The following NCAM2 variants were observed in gnomAD, a reference collection of about 807,000 sequenced individuals.
NCAM2 encodes neural cell adhesion molecule 2.
NCAM2 carries 30 observed loss-of-function variants against 98.1 expected under a neutral mutation model. The ratio of observed to expected loss-of-function variants is 0.31; its 90% CI spans 0.23 to 0.41. NCAM2 has a LOEUF of 0.41. Ranked by LOEUF, NCAM2 falls within the 10% of genes least tolerant of loss-of-function variation. The probability of loss-of-function intolerance (pLI) is 1.00; values close to 1 mark genes in which losing one functional copy is unlikely to be tolerated. For missense variants in NCAM2, 867 were observed against 1,005.8 expected, an observed-to-expected ratio of 0.86 and a Z score of 1.87; for synonymous variants, 368 against 342.4, an observed-to-expected ratio of 1.07 and a Z score of -0.83.
At chr21:21,216,425 A>G (rs2069902967) in intron 1 of NCAM2, among the ~76,000 whole-genome samples, 1 of 152,148 alleles carries the variant, frequency 6.6e-6, no homozygotes, top group African/African-American at 2.4e-5. Flanking sequence ...ATAGACATGG[A>G]GTTGGACAGA....
At position 21,324,387 on chromosome 21, in the gene NCAM2, G is replaced by A. The variant is rs200660519; in HGVS notation, c.624G>A (p.Pro208=). 1.1e-5 allele frequency: 17 copies of A among 1,611,270 alleles called. No individual in the cohort carries two copies. Among genetic ancestry groups the A allele is most frequent in the South Asian group, 9.9e-5 (9 of 90,884 alleles). ...CTGTATTCATCTCTCCTTCAGTGCC[G>A]CCAGCAATCTCAATGCCTCAGAAAT... ...FRDIIVIVNV[P]PAISMPQKSF... Residue 208 remains proline (P), a synonymous_variant, in exon 6 of 18, where the codon CCG becomes CCA. Coordinates refer to ENST00000400546, the MANE Select transcript of NCAM2 (RefSeq NM_004540.5).
chr21:21,126,256 A>AAAAAAAAAC (rs2066821825), intron 1 of NCAM2, among the ~76,000 whole-genome samples: 1 of 151,318 alleles, frequency 6.6e-6, no homozygotes, highest in Non-Finnish European at 1.5e-5. Flanking sequence ...AAAAAAAAAA[A>AAAAAAAAAC]AATCGCAGAA....
chr21:21,233,661 C>T (rs906774633), intron 1 of NCAM2, among the ~76,000 whole-genome samples: 6 of 151,522 alleles, frequency 4.0e-5, no homozygotes, highest in African/African-American at 9.7e-5. Context: ...TGAGTACAAA[C>T]GATGTTTTGG....
At chr21:21,046,167 A>G (rs2065004864) in intron 1 of NCAM2, among the ~76,000 whole-genome samples, 1 of 152,196 alleles carries the variant, frequency 6.6e-6, no homozygotes, top group Non-Finnish European at 1.5e-5. Context: ...TGTTTTTTAT[A>G]TAGCAGTGTC....
intron 4 of NCAM2, among the ~76,000 whole-genome samples, chr21:21,289,332 G>A (rs2073209285): frequency 6.6e-6 from 1 of 151,884 alleles, no homozygotes; most frequent in African/African-American, 2.4e-5. Flanking sequence ...AATCTAGAGG[G>A]AAAGATAAAT....
At chr21:21,182,045 C>T (rs969192575) in intron 1 of NCAM2, among the ~76,000 whole-genome samples, 51 of 137,938 alleles carry the variant, frequency 3.7e-4, no homozygotes, top group African/African-American at 1.4e-3. Context: ...AAAAAAAAAA[C>T]AAATAAAAAT....
At chr21:21,449,652 C>G (rs1980725960) in intron 12 of NCAM2, among the ~76,000 whole-genome samples, 1 of 151,916 alleles carries the variant, frequency 6.6e-6, no homozygotes, top group Non-Finnish European at 1.5e-5. Flanking sequence ...AAACTACTTA[C>G]TATAAACATT....
intron 1 of NCAM2, among the ~76,000 whole-genome samples, chr21:21,111,412 A>G (rs913001676): frequency 6.6e-6 from 1 of 152,194 alleles, no homozygotes; most frequent in Non-Finnish European, 1.5e-5. Flanking sequence ...CAGAAGTGAT[A>G]TCAGGCTAAG....
intron 8 of NCAM2, among the ~76,000 whole-genome samples, chr21:21,350,353 CACTA>C (rs779962503): frequency 1.3e-5 from 2 of 152,114 alleles, no homozygotes; most frequent in African/African-American, 2.4e-5. Flanking sequence ...AACTGTAACT[CACTA>C]ACTACGATGT....
chr21:21,437,769 C>G (rs2146062000), intron 12 of NCAM2, among the ~76,000 whole-genome samples: 1 of 152,080 alleles, frequency 6.6e-6, no homozygotes, highest in East Asian at 1.9e-4. Context: ...AGTTTGCTTT[C>G]CTTTTCTGTG....
At chr21:21,457,511 G>A (rs1473621374) in intron 12 of NCAM2, among the ~76,000 whole-genome samples, 1 of 152,060 alleles carries the variant, frequency 6.6e-6, no homozygotes, top group Non-Finnish European at 1.5e-5. Flanking sequence ...TTGGTGGCAT[G>A]CGCCTGTAAT....
intron 1 of NCAM2, among the ~76,000 whole-genome samples, chr21:21,003,234 A>G (rs78447938): frequency 6.6e-6 from 1 of 152,204 alleles, no homozygotes; most frequent in African/African-American, 2.4e-5. Flanking sequence ...ATTTAAATCA[A>G]GATGTTTGAA....
chr21:21,353,516 C>T (rs1432385810), intron 8 of NCAM2, among the ~76,000 whole-genome samples: 1 of 152,132 alleles, frequency 6.6e-6, no homozygotes, highest in Non-Finnish European at 1.5e-5. Context: ...TCCATACAGG[C>T]GAGTGCACAT....
At chr21:21,470,688 A>G (rs1444605011) in intron 14 of NCAM2, among the ~76,000 whole-genome samples, 5 of 151,970 alleles carry the variant, frequency 3.3e-5, no homozygotes, top group African/African-American at 1.2e-4. Flanking sequence ...TCTTCTTTCT[A>G]ATTTCCAACC....
chr21:21,389,643 C>T (rs2076339189), intron 9 of NCAM2, among the ~76,000 whole-genome samples: 1 of 152,148 alleles, frequency 6.6e-6, no homozygotes, highest in Admixed American at 6.6e-5. Flanking sequence ...TCCATGAGAT[C>T]AGTTTTTTCA....
intron 1 of NCAM2, among the ~76,000 whole-genome samples, chr21:21,031,676 A>G (rs977989502): frequency 6.6e-6 from 1 of 152,228 alleles, no homozygotes; most frequent in African/African-American, 2.4e-5. Flanking sequence ...TTTGACAAGC[A>G]AATTAAAGCA....
intron 1 of NCAM2, among the ~76,000 whole-genome samples, chr21:21,187,758 G>T (rs146818583): frequency 6.6e-6 from 1 of 152,092 alleles, no homozygotes; most frequent in African/African-American, 2.4e-5. Context: ...TATGCCTTGG[G>T]TATTCATTAA....
At chr21:21,409,769 G>A (rs978514006) in intron 9 of NCAM2, among the ~76,000 whole-genome samples, 28 of 152,276 alleles carry the variant, frequency 1.8e-4, no homozygotes, top group Middle Eastern at 6.8e-3. Flanking sequence ...TGTGATAAAA[G>A]TATTCAAATG....
chr21:21,192,360 G>A lies in NCAM2; in HGVS notation c.56-88218G>A, dbSNP rs2068852125. Among the ~76,000 whole-genome samples the A allele has an allele frequency of 2.0e-5, 3 of 152,186 alleles. No homozygotes were observed. In the South Asian group the frequency reaches 6.2e-4, roughly 31 times the overall value. ...TCTAAAGCAAAGTGTAGAGGAAACT[G>A]TTTCAAAAGAAGGTGGTAAATAGAG... is the stretch of plus-strand genomic sequence containing the variant. On this transcript the variant is annotated intron_variant, in intron 1 of 17. Coordinates refer to ENST00000400546, the MANE Select transcript of NCAM2 (RefSeq NM_004540.5).
Sources: gnomAD v4.1 joint callset for allele counts (sites outside exome capture counted in the v4.1 genomes callset) on GRCh38, gnomAD v4.1.1 for gene constraint, MANE v1.5 for transcripts, NCBI Gene and HGNC (gene_info 2026-07-23, HGNC 2026-07-21) for gene names.